DPYSL5: variants seen among roughly 807,000 people sequenced by gnomAD.
The protein encoded by DPYSL5 is dihydropyrimidinase-related protein 5.
DPYSL5 carries 9 observed loss-of-function variants against 58.4 expected under a neutral mutation model. The observed-to-expected ratio is 0.15, with a 90% CI of 0.09 to 0.27. DPYSL5 has a LOEUF of 0.27. Ranked by LOEUF, DPYSL5 falls within the 10% of genes least tolerant of loss-of-function variation. DPYSL5 has a pLI of 1.00. For missense variants in DPYSL5, 499 were observed against 770.6 expected (o/e 0.65, Z 4.17); for synonymous variants, 293 against 301.9 (o/e 0.97, Z 0.31).
intron 1 of DPYSL5, among the ~76,000 whole-genome samples, chr2:26,893,231 T>G (rs138449027): frequency 0.015 from 2,310 of 152,350 alleles, 42 homozygotes; most frequent in Non-Finnish European, 0.024. Flanking sequence ...CCATATAAGC[T>G]TTCTTGTTTG....
chr2:26,914,666 T>C (rs1304711414), intron 2 of DPYSL5, among the ~76,000 whole-genome samples: 2 of 152,160 alleles, frequency 1.3e-5, no homozygotes, highest in African/African-American at 2.4e-5. Flanking sequence ...TTCTCAGCAG[T>C]GGCTGCTGGC....
At chr2:26,879,976 G>A (rs112385378) in intron 1 of DPYSL5, among the ~76,000 whole-genome samples, 14,076 of 151,896 alleles carry the variant, frequency 0.093, 1,021 homozygotes, top group Admixed American at 0.23. Flanking sequence ...CTGCAGCCTC[G>A]ACCTCCCAGG....
chr2:26,856,309 T>A (rs191234494), intron 1 of DPYSL5, among the ~76,000 whole-genome samples: 157 of 152,290 alleles, frequency 1.0e-3, no homozygotes, highest in African/African-American at 3.5e-3. Context: ...CTCTAGTTAC[T>A]TAGTATTCTT....
chr2:26,900,581 T>A (rs2148138546), intron 2 of DPYSL5, among the ~76,000 whole-genome samples: 1 of 152,330 alleles, frequency 6.6e-6, no homozygotes, highest in Non-Finnish European at 1.5e-5. Context: ...TGTACACATT[T>A]TGTTGGGCAC....
rs768293581 is a variant in DPYSL5, at chr2:26,849,821, G to A, written c.-5+1567G>A. Among the ~76,000 whole-genome samples the A allele has an allele frequency of 2.4e-4, 37 of 152,358 alleles. No individual in the cohort carries two copies. The highest frequency in any genetic ancestry group is 8.3e-4 in the South Asian group (4 of 4,830). On this transcript the variant is annotated intron_variant, in intron 1 of 12. Transcript: ENST00000288699. The surrounding 1 kb of genome is among the most constrained non-coding windows in gnomAD (Gnocchi z 6.2). ...GGGGCCTGGCCACGCCGGGAATCCC[G>A]TGTGGGAGGCGCTCCCCCGGCCTGG...
At position 26,927,670 on chromosome 2, in the gene DPYSL5, A is replaced by G. The variant is rs1664861129; in HGVS notation, c.600+238A>G. The stretch of plus-strand genomic sequence containing the variant: ...AAAGGCTTCTAAGTCGTAGGTGATG[A>G]TGTCTTAATTCTAATGATATGAGAT... On this transcript the variant is annotated intron_variant, in intron 4 of 12. Coordinates refer to ENST00000288699, the MANE Select transcript of DPYSL5 (RefSeq NM_020134.4). The surrounding 1 kb of genome is among the most constrained non-coding windows in gnomAD (Gnocchi z 4.3). 6.6e-6 allele frequency among the ~76,000 whole-genome samples: 1 copy of G among 152,246 alleles called. No homozygotes were observed. Among genetic ancestry groups the G allele is most frequent in the Admixed American group, 6.5e-5 (1 of 15,288 alleles).
chr2:26,908,579 T>TG (rs1481361764), intron 2 of DPYSL5, among the ~76,000 whole-genome samples: 2 of 152,236 alleles, frequency 1.3e-5, no homozygotes, highest in Admixed American at 6.5e-5. Context: ...TCTCTGGTAT[T>TG]GGGAAAAAAC....
At chr2:26,902,892 TAAC>T (rs1664193489) in intron 2 of DPYSL5, among the ~76,000 whole-genome samples, 1 of 152,012 alleles carries the variant, frequency 6.6e-6, no homozygotes, top group Non-Finnish European at 1.5e-5. Flanking sequence ...CCATGACAGT[TAAC>T]AAATGCCCTG....
At chr2:26,857,587 A>T (rs948514771) in intron 1 of DPYSL5, among the ~76,000 whole-genome samples, 44 of 152,022 alleles carry the variant, frequency 2.9e-4, no homozygotes, top group African/African-American at 1.1e-3. Flanking sequence ...GCTTGGAATC[A>T]CAGAGTTCAG....
chr2:26,861,496 G>C (rs191293046), intron 1 of DPYSL5, among the ~76,000 whole-genome samples: 1 of 152,332 alleles, frequency 6.6e-6, no homozygotes, highest in Non-Finnish European at 1.5e-5. Flanking sequence ...AAGAACTTTA[G>C]AGAACGTTTA....
At chr2:26,861,450 A>T (rs1203241070) in intron 1 of DPYSL5, among the ~76,000 whole-genome samples, 2 of 152,136 alleles carry the variant, frequency 1.3e-5, no homozygotes, top group Non-Finnish European at 2.9e-5. Context: ...GAATACCTGC[A>T]CTGGGCCAGG....
Position 26,942,537 on chromosome 2 carries a change from C to G in DPYSL5, c.1233-6C>G. ...GCTTTCTCTCCCGCCATTGCCTCCCCACCAGGACCATCTCAGCCAGCACGC... is the reference window on the plus strand; with the variant it reads ...GCTTTCTCTCCCGCCATTGCCTCCCGACCAGGACCATCTCAGCCAGCACGC... On this transcript the variant is annotated splice_region_variant and splice_polypyrimidine_tract_variant and intron_variant, in intron 10 of 12. Transcript: ENST00000288699. This position sits in a 1 kb window ranked among gnomAD's most constrained non-coding sequence, Gnocchi z 5.9. 1 of 1,613,318 alleles carries G rather than the reference C, an allele frequency of 6.2e-7. No individual in the cohort carries two copies. Among genetic ancestry groups the G allele is most frequent in the Non-Finnish European group, 8.5e-7 (1 of 1,179,654 alleles).
At chr2:26,866,069 A>T (rs1666132130) in intron 1 of DPYSL5, among the ~76,000 whole-genome samples, 1 of 152,232 alleles carries the variant, frequency 6.6e-6, no homozygotes, top group Non-Finnish European at 1.5e-5. Context: ...TGAACAGCAT[A>T]GCCCCTAAAT....
intron 2 of DPYSL5, among the ~76,000 whole-genome samples, chr2:26,907,398 G>GCTA (rs1664323079): frequency 6.6e-6 from 1 of 152,194 alleles, no homozygotes; most frequent in Non-Finnish European, 1.5e-5. Flanking sequence ...ACAGGCATGA[G>GCTA]CTACTGCGCC....
intron 1 of DPYSL5, among the ~76,000 whole-genome samples, chr2:26,883,790 C>T (rs1483659493): frequency 5.3e-5 from 8 of 152,200 alleles, no homozygotes; most frequent in African/African-American, 1.9e-4. Flanking sequence ...TAATTTTCAG[C>T]TTAAAAGAGA....
intron 2 of DPYSL5, among the ~76,000 whole-genome samples, chr2:26,916,442 A>G (rs563704233): frequency 1.3e-5 from 2 of 152,198 alleles, no homozygotes; most frequent in East Asian, 3.9e-4. Flanking sequence ...TCCTCTCTGC[A>G]AATGTGCTCC....
rs148077649 is a variant in DPYSL5, at chr2:26,927,633, T to G, written c.600+201T>G. 1.4e-3 allele frequency among the ~76,000 whole-genome samples: 206 copies of G among 152,350 alleles called. No homozygotes were observed. The highest frequency in any genetic ancestry group is 4.7e-3 in the African/African-American group (197 of 41,584). ...ACTGTCTGTAAAAAACAAATCTCTT[T>G]TTATGGTTCAAAAAGGCTTCTAAGT... is the stretch of plus-strand genomic sequence containing the variant. On this transcript the variant is annotated intron_variant, in intron 4 of 12. Coordinates refer to ENST00000288699, the MANE Select transcript of DPYSL5 (RefSeq NM_020134.4). This position sits in a 1 kb window ranked among gnomAD's most constrained non-coding sequence, Gnocchi z 4.3.
rs1558351344 is a variant in DPYSL5 at position 26,932,129 on chromosome 2, G to GAAA, written c.714+446_714+448dup. Reference sequence around the variant, plus strand: ...AAAGAAAAGAAAAAAGAAAGAGAAAGAAAGAAAGAGAAAGAAAGAAAGAAA... The same window carrying GAAA: ...AAAGAAAAGAAAAAAGAAAGAGAAAGAAAAAAGAAAGAGAAAGAAAGAAAGAAA... On this transcript the variant is annotated intron_variant, in intron 6 of 12. Coordinates refer to ENST00000288699, the MANE Select transcript of DPYSL5 (RefSeq NM_020134.4). Among the ~76,000 whole-genome samples, 133 of 119,780 alleles carry GAAA rather than the reference G, an allele frequency of 1.1e-3. 3 individuals carry two copies. The highest frequency in any genetic ancestry group is 4.3e-3 in the Middle Eastern group (1 of 234). 78.6% of individuals were successfully genotyped at this position (119,780 alleles called of 152,430 possible). A position where few individuals can be genotyped will look rare whatever the true frequency, so the allele number is the denominator to read the frequency against.
intron 2 of DPYSL5, among the ~76,000 whole-genome samples, chr2:26,901,023 C>A (rs1664143179): frequency 6.6e-6 from 1 of 152,166 alleles, no homozygotes; most frequent in African/African-American, 2.4e-5. Context: ...TGTCTTTATG[C>A]AAGGTGGTGA....
Sources: allele counts gnomAD v4.1 joint callset (sites outside exome capture counted in the v4.1 genomes callset), GRCh38; gene constraint gnomAD v4.1.1; non-coding constraint Gnocchi (gnomAD v3.1); transcripts MANE v1.5; gene names NCBI Gene and HGNC (gene_info 2026-07-23, HGNC 2026-07-21).